Variants in MYBPC1 observed in about 807,000 individuals in gnomAD.
MYBPC1 encodes myosin binding protein C1.
A neutral mutation model predicts 147.1 loss-of-function variants in MYBPC1; 52 were observed. The observed-to-expected ratio is 0.35, with a 90% confidence interval of 0.28 to 0.45. MYBPC1 has a LOEUF of 0.45. MYBPC1 is among the 20% of genes least tolerant of loss of function. MYBPC1 has a pLI of 1.00. For synonymous variants in MYBPC1, 477 were observed against 475.9 expected (o/e 1.00, Z -0.03); for missense variants, 1,228 against 1,440.3 (o/e 0.85, Z 2.39).
intron 30 of MYBPC1, 101 bp from the exon 31 acceptor site, chr12:101,684,280 TA>T: frequency 1.1e-6 from 1 of 926,624 alleles, no homozygotes; most frequent in Non-Finnish European, 1.8e-6. Flanking sequence ...CACCTCTTCA[TA>T]ATCATGACCA....
At chr12:101,670,575 TG>T (rs1280656338) in intron 24 of MYBPC1, among the ~76,000 whole-genome samples, 166 bp downstream of exon 24, 4 of 152,234 alleles carry the variant, frequency 2.6e-5, no homozygotes, top group Non-Finnish European at 5.9e-5. Context: ...AGCAATCTCC[TG>T]CTGTCAAAAT....
At chr12:101,639,340 T>A (rs1488564495) in intron 10 of MYBPC1, among the ~76,000 whole-genome samples, 1 of 152,216 alleles carries the variant, frequency 6.6e-6, no homozygotes, top group African/African-American at 2.4e-5. Flanking sequence ...CTTTTTCTCC[T>A]CACTGTAACT....
At chr12:101,612,086 G>GA (rs199722902) in intron 1 of MYBPC1, among the ~76,000 whole-genome samples, 54,539 of 138,158 alleles carry the variant, frequency 0.39, 10,951 homozygotes, top group African/African-American at 0.53. Context: ...AAAAAAAAAA[G>GA]AAAAAAAAAA....
intron 12 of MYBPC1, among the ~76,000 whole-genome samples, chr12:101,645,150 A>C (rs992773897): frequency 6.6e-6 from 1 of 151,580 alleles, no homozygotes; most frequent in East Asian, 2.1e-4. Context: ...GCCACCTGGG[A>C]ATCCCATCTT....
chr12:101,689,747 G>C (rs1162458880), downstream of MYBPC1, among the ~76,000 whole-genome samples: 2 of 152,202 alleles, frequency 1.3e-5, no homozygotes, highest in Non-Finnish European at 2.9e-5. Context: ...AGGTGTAGTT[G>C]AAGGCCTGAG....
In MYBPC1 at chr12:101,685,823, A is replaced by AG; in HGVS notation, c.*261_*262insG. The AG allele has an allele frequency of 1.6e-6, 1 of 638,760 alleles. No homozygotes were observed. The highest frequency in any genetic ancestry group is 2.5e-6 in the Non-Finnish European group (1 of 397,438). The allele number at this position is 638,760 out of a possible 1,614,324, so 39.6% of individuals were successfully genotyped here. On this transcript the variant is annotated 3_prime_UTR_variant, in exon 32 of 32. Coordinates refer to ENST00000361466, the MANE Select transcript of MYBPC1 (RefSeq NM_002465.4). ...CTAATGTTGAAGAGAAAAAAAAAAA[A>AG]AAAAGTTTGCCCAGATTGCTTAATT...
At chr12:101,689,940 C>G (rs781325661), downstream of MYBPC1, among the ~76,000 whole-genome samples, 6 of 152,014 alleles carry the variant, frequency 3.9e-5, no homozygotes. Flanking sequence ...TTTGGGAGGC[C>G]GAGGCAGGTG....
At chr12:101,627,937 G>A (rs547568936) in intron 5 of MYBPC1, 133 bp downstream of exon 5, 76 of 1,061,112 alleles carry the variant, frequency 7.2e-5, no homozygotes, top group Middle Eastern at 4.6e-4. Flanking sequence ...CTTTCATTAC[G>A]TTTCCTCTTA....
At chr12:101,651,861 T>C (rs59931471) in intron 16 of MYBPC1, among the ~76,000 whole-genome samples, 27,811 of 151,908 alleles carry the variant, frequency 0.18, 2,785 homozygotes, top group East Asian at 0.3. Flanking sequence ...TTGAACCCAG[T>C]AGGGGGAGGT....
At chr12:101,610,799 C>A (rs949251193) in intron 1 of MYBPC1, among the ~76,000 whole-genome samples, 4 of 152,122 alleles carry the variant, frequency 2.6e-5, no homozygotes, top group African/African-American at 9.7e-5. Flanking sequence ...AGAAGTCCAC[C>A]AGTCCTCCTC....
intron 20 of MYBPC1, among the ~76,000 whole-genome samples, chr12:101,661,827 G>A (rs903187723): frequency 8.6e-5 from 13 of 150,476 alleles, no homozygotes; most frequent in African/African-American, 2.4e-4. Flanking sequence ...GCCCTGGGGC[G>A]TGGAGGTTGC....
chr12:101,682,782 G>C (rs1462600862), intron 30 of MYBPC1, 120 bp downstream of exon 30: 9 of 925,168 alleles, frequency 9.7e-6, no homozygotes, highest in Non-Finnish European at 1.5e-5. Context: ...CCCCTTAGCA[G>C]CTCATGGCAT....
At chr12:101,625,715 G>A (rs1465732191) in intron 3 of MYBPC1, among the ~76,000 whole-genome samples, 1 of 152,142 alleles carries the variant, frequency 6.6e-6, no homozygotes, top group Admixed American at 6.5e-5. Flanking sequence ...CAATTAAGAT[G>A]GTGTTGGGTT....
downstream of MYBPC1, among the ~76,000 whole-genome samples, chr12:101,690,481 G>A (rs1240734822): frequency 1.3e-5 from 2 of 152,184 alleles, no homozygotes; most frequent in East Asian, 1.9e-4. Flanking sequence ...AACTCAATGT[G>A]GGATGTCTGG....
intron 31 of MYBPC1, 128 bp from the exon 32 acceptor site, chr12:101,685,454 A>C: frequency 2.9e-6 from 2 of 696,406 alleles, no homozygotes; most frequent in Non-Finnish European, 5.0e-6. Context: ...GTAGAGACTG[A>C]ATGAATCTTT....
At chr12:101,617,596 T>TC (rs1479314535) in intron 3 of MYBPC1, among the ~76,000 whole-genome samples, 1 of 152,102 alleles carries the variant, frequency 6.6e-6, no homozygotes, top group African/African-American at 2.4e-5. Flanking sequence ...TACCCGGTTT[T>TC]TTTTTAAATT....
Position 101,648,134 on chromosome 12 carries a change from G to A in MYBPC1, c.1180G>A (p.Asp394Asn), listed in dbSNP as rs1355606686. The change falls in exon 14 of 32, where the codon GAT becomes AAT. Residue 394 changes from aspartate (D) to asparagine (N), a missense_variant. By Grantham distance (23) the Asp-to-Asn change is conservative (BLOSUM62 1). Around this residue, in one of 2 missense-constraint regions of MYBPC1, gnomAD observed 1,077 missense variants for 1,314.2 expected, o/e 0.82. Coordinates refer to ENST00000361466, the MANE Select transcript of MYBPC1 (RefSeq NM_002465.4). ...VELECEVSED[D>N]ANVKWFKNGE... is the part of the protein sequence containing the mutation. ...ATTAGAATGTGAGGTGTCTGAAGAT[G>A]ATGCCAATGTAAAATGGTAAATAGC... 6.2e-7 allele frequency: 1 copy of A among 1,610,638 alleles called. No individual in the cohort carries two copies. Among genetic ancestry groups the A allele is most frequent in the Admixed American group, 1.7e-5 (1 of 59,986 alleles).
rs1446753694 is a variant in MYBPC1 at position 101,660,091 on chromosome 12, T to G, written c.1927+260T>G. 3 of 498,418 alleles carry G rather than the reference T, an allele frequency of 6.0e-6. No individual in the cohort carries two copies. In the East Asian group the frequency reaches 1.1e-4, roughly 19 times the overall value. The allele number at this position is 498,418 out of a possible 1,614,324, so 30.9% of individuals were successfully genotyped here. On this transcript the variant is annotated intron_variant, in intron 19 of 31. Transcript: ENST00000361466. ...CACTGAAACACAATTGCTAAATAAC[T>G]TCCCACATCACAATCATTACAGAGG...
chr12:101,659,644 T>C (rs1485288458), intron 18 of MYBPC1, 28 bp from the exon 19 acceptor site: 4 of 1,613,644 alleles, frequency 2.5e-6, no homozygotes, highest in Non-Finnish European at 3.4e-6. Context: ...GTGTAAATCA[T>C]GCCACATTTT....
Sources: allele counts gnomAD v4.1 joint callset (sites outside exome capture counted in the v4.1 genomes callset), GRCh38; gene constraint gnomAD v4.1.1; regional missense constraint gnomAD v4.1.1; transcripts MANE v1.5; gene names NCBI Gene and HGNC (gene_info 2026-07-23, HGNC 2026-07-21).